Variants in TMPRSS15 observed in about 807,000 individuals in gnomAD.
TMPRSS15 encodes the protein enteropeptidase.
In TMPRSS15, 128 loss-of-function variants were observed where a neutral mutation model predicts 125.3. The observed-to-expected ratio is 1.02, with a 90% confidence interval of 0.89 to 1.18. The LOEUF (loss-of-function observed/expected upper bound fraction) is 1.18. TMPRSS15 is among the 50% of genes most tolerant of loss of function. TMPRSS15 has a pLI of 0.00. For synonymous variants in TMPRSS15, 446 were observed against 423.2 expected (o/e 1.05, Z -0.66); for missense variants, 1,283 against 1,212.7 (o/e 1.06, Z -0.86).
chr21:18,277,772 A>G (rs916554221), intron 23 of TMPRSS15, among the ~76,000 whole-genome samples: 1 of 152,166 alleles, frequency 6.6e-6, no homozygotes, highest in African/African-American at 2.4e-5. Flanking sequence ...TTTAAACATC[A>G]TGGCTATAAT....
chr21:18,455,035 A>G (rs922791677), intron 1 of TMPRSS15, among the ~76,000 whole-genome samples: 25 of 152,078 alleles, frequency 1.6e-4, no homozygotes, highest in Non-Finnish European at 1.2e-4. Context: ...TCATGGGGGC[A>G]GTTACCCTCA....
At chr21:18,434,473 T>C (rs1163558773) in intron 1 of TMPRSS15, among the ~76,000 whole-genome samples, 2 of 152,240 alleles carry the variant, frequency 1.3e-5, no homozygotes, top group Admixed American at 6.5e-5. Context: ...TAATTTAATA[T>C]CCATTTCTCT....
chr21:18,462,887 A>T (rs1264532270), intron 1 of TMPRSS15, among the ~76,000 whole-genome samples: 9 of 152,118 alleles, frequency 5.9e-5, no homozygotes, highest in Non-Finnish European at 1.3e-4. Context: ...AGCCAGAGAG[A>T]GTGAGGGCCA....
chr21:18,329,080 G>C (rs1202620188), intron 15 of TMPRSS15, 89 bp downstream of exon 15: 4 of 1,487,146 alleles, frequency 2.7e-6, no homozygotes, highest in Non-Finnish European at 3.7e-6. Context: ...AGTTGTAAAA[G>C]AGTGATTACA....
chr21:18,406,291 C>G (rs1376646133), upstream of TMPRSS15, among the ~76,000 whole-genome samples: 4 of 152,106 alleles, frequency 2.6e-5, no homozygotes, highest in Non-Finnish European at 5.9e-5. Flanking sequence ...AAAAGCCATG[C>G]TCATTGGTTG....
At chr21:18,337,143 C>G (rs540251037) in intron 13 of TMPRSS15, among the ~76,000 whole-genome samples, 2 of 152,202 alleles carry the variant, frequency 1.3e-5, no homozygotes, top group African/African-American at 4.8e-5. Flanking sequence ...ACCTGCCCCC[C>G]TCAGCCTCCC....
At chr21:18,345,015 C>T (rs951804915) in intron 10 of TMPRSS15, among the ~76,000 whole-genome samples, 3 of 151,986 alleles carry the variant, frequency 2.0e-5, no homozygotes, top group African/African-American at 4.8e-5. Context: ...TTATGAGATG[C>T]AAAGTAAGAA....
Position 18,343,949 on chromosome 21 carries a change from A to G in TMPRSS15, c.1277+6T>C. The G allele has an allele frequency of 2.5e-6, 4 of 1,613,268 alleles. No individual in the cohort carries two copies. The highest frequency in any genetic ancestry group is 3.4e-6 in the Non-Finnish European group (4 of 1,179,218). On this transcript the variant is annotated splice_donor_region_variant and intron_variant, in intron 11 of 24. Coordinates refer to ENST00000284885, the MANE Select transcript of TMPRSS15 (RefSeq NM_002772.3). The stretch of plus-strand genomic sequence containing the variant: ...GACAGCGTTTAAACAGGTGTCTACA[A>G]CATACCAGAAACTAAGGCAAGCTGG...
At chr21:18,297,940 C>G in intron 18 of TMPRSS15, 111 bp from the exon 19 acceptor site, 2 of 751,018 alleles carry the variant, frequency 2.7e-6, no homozygotes, top group Non-Finnish European at 4.4e-6. Flanking sequence ...TTATGGGATA[C>G]CAGCCAAAAA....
intron 1 of TMPRSS15, among the ~76,000 whole-genome samples, chr21:18,401,741 A>T (rs1234462326): frequency 6.6e-6 from 1 of 152,188 alleles, no homozygotes; most frequent in Non-Finnish European, 1.5e-5. Context: ...ATAATAGTTT[A>T]AAAAGAAAAA....
At chr21:18,277,673 C>G (rs142259454) in intron 23 of TMPRSS15, among the ~76,000 whole-genome samples, 1 of 152,154 alleles carries the variant, frequency 6.6e-6, no homozygotes, top group African/African-American at 2.4e-5. Context: ...TAATAGGTAA[C>G]GACATTTTAA....
intron 1 of TMPRSS15, among the ~76,000 whole-genome samples, chr21:18,432,642 C>G (rs2076218546): frequency 6.6e-6 from 1 of 152,138 alleles, no homozygotes; most frequent in Non-Finnish European, 1.5e-5. Context: ...AAGAAAGCAT[C>G]AGGCTACCAG....
At position 18,365,225 on chromosome 21, in the gene TMPRSS15, A is replaced by C; in HGVS notation, c.688T>G (p.Leu230Val). The C allele has an allele frequency of 6.2e-7, 1 of 1,614,138 alleles. No homozygotes were observed. The highest frequency in any genetic ancestry group is 1.7e-4 in the Middle Eastern group (1 of 6,060). ...MCATVCDGRF[L>V]LTGSSGSFQA... Reference sequence around the variant, plus strand: ...AAAGACCCAGATGATCCAGTTAACAAAAATCTTCCATCACAAACTGTGGCT... The same window carrying C: ...AAAGACCCAGATGATCCAGTTAACACAAATCTTCCATCACAAACTGTGGCT... Residue 230 changes from leucine (L) to valine (V), a missense_variant, in exon 7 of 25, where the codon TTG becomes GTG. By Grantham distance (32) the Leu-to-Val change is conservative. Transcript: ENST00000284885.
intron 20 of TMPRSS15, 51 bp from the exon 21 acceptor site, chr21:18,294,495 C>G (rs1251070149): frequency 6.2e-7 from 1 of 1,611,388 alleles, no homozygotes; most frequent in South Asian, 1.1e-5. Context: ...GGCATTTCTT[C>G]TGATGGTGAA....
In TMPRSS15 at chr21:18,471,342, C is replaced by G. The variant is rs1978776716; in HGVS notation, c.10+14457G>C. On this transcript the variant is annotated intron_variant, in intron 1 of 7. Transcript: ENST00000422787. Reference sequence around the variant, plus strand: ...ATTGTTCCCCTACTTAGCCATCACTCTCTTGGTTATCTTAGCTGTTGTGTT... The same window carrying G: ...ATTGTTCCCCTACTTAGCCATCACTGTCTTGGTTATCTTAGCTGTTGTGTT... Among the ~76,000 whole-genome samples, 3 of 152,186 alleles carry G rather than the reference C, an allele frequency of 2.0e-5. No individual in the cohort carries two copies. The Middle Eastern group carries it at 0.01, about 518-fold the overall frequency.
At chr21:18,425,897 T>G (rs1402165694) in intron 1 of TMPRSS15, among the ~76,000 whole-genome samples, 1 of 152,164 alleles carries the variant, frequency 6.6e-6, no homozygotes, top group East Asian at 1.9e-4. Context: ...AAAAATACAT[T>G]ATTTGGTGGC....
chr21:18,353,685 T>A (rs750020488), intron 9 of TMPRSS15, 38 bp downstream of exon 9: 8 of 1,578,424 alleles, frequency 5.1e-6, no homozygotes, highest in Non-Finnish European at 6.9e-6. Context: ...CATTAAAGCA[T>A]CTAAAAATTA....
At chr21:18,410,507 A>G (rs1403651044) in intron 1 of TMPRSS15, among the ~76,000 whole-genome samples, 2 of 151,864 alleles carry the variant, frequency 1.3e-5, no homozygotes, top group African/African-American at 4.8e-5. Flanking sequence ...CTGTTTTTCT[A>G]CAGACTGCAA....
intron 18 of TMPRSS15, among the ~76,000 whole-genome samples, chr21:18,299,580 T>G (rs1393727473): frequency 6.6e-6 from 1 of 152,230 alleles, no homozygotes; most frequent in Non-Finnish European, 1.5e-5. Context: ...AGTTGGTTGG[T>G]TGGGAGAGTC....
Sources: allele counts gnomAD v4.1 joint callset (sites outside exome capture counted in the v4.1 genomes callset), GRCh38; gene constraint gnomAD v4.1.1; transcripts MANE v1.5; gene names NCBI Gene and HGNC (gene_info 2026-07-23, HGNC 2026-07-21).